Variants in CCT4 observed in about 807,000 individuals in gnomAD.
The protein encoded by CCT4 is T-complex protein 1 subunit delta.
In CCT4, 17 loss-of-function variants were observed where a neutral mutation model predicts 62.5. That is an observed-to-expected ratio of 0.27 (90% CI 0.19 to 0.41). The LOEUF (loss-of-function observed/expected upper bound fraction) is 0.41, where lower values mean the gene tolerates loss of function less well. Ranked by LOEUF, CCT4 falls within the 10% of genes least tolerant of loss-of-function variation. The pLI is 1.00. For synonymous variants in CCT4, 250 were observed against 229.9 expected (o/e 1.09, Z -0.79); for missense variants, 592 against 659.2 (o/e 0.90, Z 1.12).
intron 4 of CCT4, 147 bp downstream of exon 4, chr2:61,880,139 A>G: frequency 2.1e-6 from 1 of 481,476 alleles, no homozygotes; most frequent in East Asian, 3.4e-5. Context: ...TAAATATAGC[A>G]AAATCTAACT....
intron 1 of CCT4, among the ~76,000 whole-genome samples, chr2:61,885,471 G>T (rs1045210208): frequency 6.6e-6 from 1 of 152,050 alleles, no homozygotes; most frequent in African/African-American, 2.4e-5. Flanking sequence ...AGTGCAGTGA[G>T]GCAATCTCGG....
chr2:61,873,813 G>A (rs552820743), intron 8 of CCT4, among the ~76,000 whole-genome samples: 5 of 152,160 alleles, frequency 3.3e-5, no homozygotes, highest in East Asian at 1.9e-4. Context: ...TGATCCACCC[G>A]CCTTGGCTTC....
In CCT4 at chr2:61,876,164, A is replaced by G; in HGVS notation, c.848T>C (p.Ile283Thr). ...TTTAATTTGCTTCACTAAATTTAAA[A>G]TATAGGCTCTCTCTTCTCGCAGCAC... is the stretch of plus-strand genomic sequence containing the variant. The part of the protein sequence containing the change: ...DRVLREERAY[I>T]LNLVKQIKKT... Residue 283 changes from isoleucine (I) to threonine (T), a missense_variant, in exon 8 of 14, where the codon ATT becomes ACT. By Grantham distance (89) the Ile-to-Thr change is moderately conservative (BLOSUM62 -1). This residue lies in a region of CCT4 where 522 missense variants were observed against 571.2 expected (regional missense o/e 0.91). Transcript: ENST00000394440. The G allele has an allele frequency of 6.2e-7, 1 of 1,608,466 alleles. No homozygotes were observed. Among genetic ancestry groups the G allele is most frequent in the Non-Finnish European group, 8.5e-7 (1 of 1,175,096 alleles).
intron 13 of CCT4, 123 bp from the exon 14 acceptor site, chr2:61,868,829 C>A: frequency 1.4e-6 from 1 of 732,858 alleles, no homozygotes; most frequent in East Asian, 2.6e-5. Context: ...TGATGACTAG[C>A]AAATATTTAT....
chr2:61,874,224 TG>T (rs2105128597), intron 8 of CCT4, among the ~76,000 whole-genome samples: 1 of 152,306 alleles, frequency 6.6e-6, no homozygotes, highest in South Asian at 2.1e-4. Context: ...ATTATATGAT[TG>T]GGATTAGAAC....
chr2:61,873,194 T>C lies in CCT4; in HGVS notation c.1014+3A>G. The C allele has an allele frequency of 6.9e-7, 1 of 1,445,538 alleles. No individual in the cohort carries two copies. Among genetic ancestry groups the C allele is most frequent in the Non-Finnish European group, 9.7e-7 (1 of 1,026,770 alleles). The allele number at this position is 1,445,538 out of a possible 1,614,324, so 89.5% of individuals were successfully genotyped here. A position where few individuals can be genotyped will look rare whatever the true frequency, so the allele number is the denominator to read the frequency against. The stretch of plus-strand genomic sequence containing the variant: ...TCCACAAATACAGATGTTAATGTTT[T>C]ACCTTACAAATGAATTCAATGTCTT... On this transcript the variant is annotated splice_donor_region_variant and intron_variant, in intron 9 of 13. Coordinates refer to ENST00000394440, the MANE Select transcript of CCT4 (RefSeq NM_006430.4).
At chr2:61,880,976 C>A (rs373253248) in intron 3 of CCT4, among the ~76,000 whole-genome samples, 76 of 152,276 alleles carry the variant, frequency 5.0e-4, no homozygotes, top group African/African-American at 1.6e-3. Context: ...CCTCCTGCTT[C>A]AGCCTCCCAC....
At chr2:61,887,468 A>C (rs1669283193) in intron 1 of CCT4, among the ~76,000 whole-genome samples, 1 of 152,166 alleles carries the variant, frequency 6.6e-6, no homozygotes, top group Non-Finnish European at 1.5e-5. Context: ...ATCTGCCCCA[A>C]CCTAGCTTTC....
At chr2:61,868,858 C>A in intron 13 of CCT4, 152 bp from the exon 14 acceptor site, 1 of 651,102 alleles carries the variant, frequency 1.5e-6, no homozygotes, top group Non-Finnish European at 2.7e-6. Context: ...AAAACTTGGC[C>A]AGGCACGGTG....
At chr2:61,885,243 TAG>T (rs1558508950) in intron 1 of CCT4, among the ~76,000 whole-genome samples, 171 bp from the exon 2 acceptor site, 6 of 152,042 alleles carry the variant, frequency 3.9e-5, no homozygotes, top group South Asian at 2.1e-4. Context: ...TCTTAAAGAA[TAG>T]AGTTTTTTTC....
chr2:61,886,482 CATCAGT>C (rs1442195724), intron 1 of CCT4, among the ~76,000 whole-genome samples: 5 of 152,186 alleles, frequency 3.3e-5, no homozygotes, highest in African/African-American at 1.2e-4. Context: ...TTTTGGTCAT[CATCAGT>C]ATGTTATAAA....
intron 12 of CCT4, among the ~76,000 whole-genome samples, chr2:61,871,398 T>C (rs1286176371): frequency 6.7e-6 from 1 of 149,976 alleles, no homozygotes; most frequent in Non-Finnish European, 1.5e-5. Flanking sequence ...CACTAATATA[T>C]AATCCCAGCT....
chr2:61,870,875 C>G (rs1371097500), intron 12 of CCT4, among the ~76,000 whole-genome samples: 1 of 151,994 alleles, frequency 6.6e-6, no homozygotes, highest in East Asian at 1.9e-4. Context: ...GCTGACAGTG[C>G]TACTGCACTG....
At chr2:61,872,046 A>G (rs372593676) in intron 12 of CCT4, 36 bp downstream of exon 12, 1 of 1,373,028 alleles carries the variant, frequency 7.3e-7, no homozygotes, top group East Asian at 2.3e-5. Context: ...ATTTTAAATT[A>G]ATCAATATTT....
Position 61,872,187 on chromosome 2 carries a change from T to C in CCT4, c.1386A>G (p.Pro462=), listed in dbSNP as rs1297175130. The C allele has an allele frequency of 1.9e-6, 3 of 1,614,058 alleles. No homozygotes were observed. Among genetic ancestry groups the C allele is most frequent in the African/African-American group, 1.3e-5 (1 of 75,034 alleles). Residue 462 remains proline (P), a synonymous_variant, in exon 12 of 14, where the codon CCA becomes CCG. Transcript: ENST00000394440. ...GGCCGGCATTTTCAGCTAGTGTAGA[T>C]GGAATGACCTCCATAGCATCTGCAA... ...RAFADAMEVI[P]STLAENAGLN...
At chr2:61,870,434 C>T (rs144935560) in intron 12 of CCT4, among the ~76,000 whole-genome samples, 213 of 152,296 alleles carry the variant, frequency 1.4e-3, no homozygotes, top group Non-Finnish European at 2.4e-3. Context: ...CGGGATTACT[C>T]CTGATGGCCT....
chr2:61,877,876 G>C (rs1055540134), intron 5 of CCT4, among the ~76,000 whole-genome samples: 5 of 152,150 alleles, frequency 3.3e-5, no homozygotes, highest in African/African-American at 7.2e-5. Context: ...TTCCTGATGA[G>C]GGGTTGATAA....
chr2:61,871,322 GCCACCACGTCAGGCCTATTAATAAT>G (rs973702320), intron 12 of CCT4, among the ~76,000 whole-genome samples: 3 of 152,096 alleles, frequency 2.0e-5, no homozygotes, highest in African/African-American at 7.2e-5. Flanking sequence ...ACAGGCGTGA[GCCACCACGTCAGGCCTATTAATAAT>G]AGCTTTTATC....
chr2:61,868,768 G>A, intron 13 of CCT4, 62 bp from the exon 14 acceptor site: 1 of 1,172,970 alleles, frequency 8.5e-7, no homozygotes, highest in Non-Finnish European at 1.3e-6. Flanking sequence ...GCTGGAAAAT[G>A]TTTAAGGCAA....
Sources: allele counts gnomAD v4.1 joint callset (sites outside exome capture counted in the v4.1 genomes callset), GRCh38; gene constraint gnomAD v4.1.1; regional missense constraint gnomAD v4.1.1; transcripts MANE v1.5; gene names NCBI Gene and HGNC (gene_info 2026-07-23, HGNC 2026-07-21).